The following MYO3A variants were observed in gnomAD, a reference collection of about 807,000 sequenced individuals.
MYO3A encodes the protein myosin IIIA.
A neutral mutation model predicts 192.7 loss-of-function variants in MYO3A; 180 were observed. That is an observed-to-expected ratio of 0.93 (90% confidence interval 0.83 to 1.06). The LOEUF (loss-of-function observed/expected upper bound fraction) is 1.06. MYO3A is among the 50% of genes least tolerant of loss of function. MYO3A has a pLI of 0.00. For missense variants in MYO3A, 1,896 were observed against 1,905.0 expected (o/e 1.00, Z 0.09); for synonymous variants, 628 against 645.3 (o/e 0.97, Z 0.41).
intron 3 of MYO3A, 37 bp from the exon 4 acceptor site, chr10:25,954,837 T>G (rs563699448): frequency 6.3e-7 from 1 of 1,595,576 alleles, no homozygotes; most frequent in African/African-American, 1.3e-5. Context: ...ACTCATGGTT[T>G]TCTCACAGTT....
At chr10:26,145,386 C>T (rs1051594872) in intron 21 of MYO3A, 60 bp from the exon 22 acceptor site, 136 of 1,150,018 alleles carry the variant, frequency 1.2e-4, no homozygotes, top group Non-Finnish European at 1.6e-4. Context: ...AAATAATTTT[C>T]GCAGTATTTT....
In MYO3A at chr10:26,174,014, T is replaced by A. The variant is rs1369324206; in HGVS notation, c.3750T>A (p.Cys1250Ter). ...AGAGGTACACAGAGGAGAGGAATTG[T>A]GAAGAGTCAAAAGCAGCATATCTAG... ...YYQRYTEERN[C>*]EESKAAYLER... Residue 1250 changes from cysteine (C) to a stop codon, truncating the protein, a stop_gained, in exon 30 of 35, where the codon TGT (cysteine) becomes TGA (stop). Transcript: ENST00000642920. LOFTEE classifies it high-confidence loss of function. The A allele has an allele frequency of 6.2e-7, 1 of 1,611,600 alleles. No individual in the cohort carries two copies. The highest frequency in any genetic ancestry group is 8.5e-7 in the Non-Finnish European group (1 of 1,179,468).
intron 26 of MYO3A, among the ~76,000 whole-genome samples, chr10:26,164,783 G>C (rs1228339962): frequency 6.6e-6 from 1 of 152,192 alleles, no homozygotes; most frequent in Admixed American, 6.5e-5. Context: ...ATGAGAGTAG[G>C]AAAGGTGCGG....
At chr10:25,992,702 G>A (rs1264852841) in intron 4 of MYO3A, among the ~76,000 whole-genome samples, 1 of 152,172 alleles carries the variant, frequency 6.6e-6, no homozygotes, top group Non-Finnish European at 1.5e-5. Flanking sequence ...AATTTATTGA[G>A]AGTTTTTAGC....
At chr10:25,972,281 A>G (rs775132019) in intron 4 of MYO3A, among the ~76,000 whole-genome samples, 3 of 151,496 alleles carry the variant, frequency 2.0e-5, no homozygotes, top group Non-Finnish European at 4.4e-5. Context: ...TTCTTTTTTT[A>G]TGAATGATGA....
intron 14 of MYO3A, among the ~76,000 whole-genome samples, chr10:26,078,649 C>G (rs1217525899): frequency 6.6e-6 from 1 of 152,000 alleles, no homozygotes; most frequent in Non-Finnish European, 1.5e-5. Context: ...GCATTTAGGG[C>G]TATGAACTTT....
rs570107967 is a variant in MYO3A, at chr10:26,173,851, A to T, written c.3587A>T (p.Tyr1196Phe). The T allele has an allele frequency of 2.5e-6, 4 of 1,614,052 alleles. No homozygotes were observed. In the South Asian group the frequency reaches 4.4e-5, roughly 18 times the overall value. ...ACTCCAAAAAAAATGAATAATGTGT[A>T]TGAGGAAGAGGTTAAGCAAGAATTC... ...YQTPKKMNNV[Y>F]EEEVKQEFYL... The change falls in exon 30 of 35, where the codon TAT becomes TTT. Residue 1196 changes from tyrosine to phenylalanine, a missense_variant. Transcript: ENST00000642920.
At chr10:26,129,172 T>C (rs775407776) in intron 20 of MYO3A, among the ~76,000 whole-genome samples, 1 of 152,252 alleles carries the variant, frequency 6.6e-6, no homozygotes, top group Non-Finnish European at 1.5e-5. Context: ...CTCCTTCAAG[T>C]AATATTATAT....
intron 14 of MYO3A, among the ~76,000 whole-genome samples, chr10:26,076,283 A>G (rs992596575): frequency 2.0e-5 from 3 of 151,918 alleles, no homozygotes; most frequent in African/African-American, 7.3e-5. Flanking sequence ...TTTGTTGGCC[A>G]TTTTTACATC....
chr10:26,026,112 C>CGACAGAAGTGGTATTTAGTTGA lies in MYO3A; in HGVS notation c.798-264_798-243dup, dbSNP rs138554078. 0.061 allele frequency among the ~76,000 whole-genome samples: 9,239 copies of CGACAGAAGTGGTATTTAGTTGA among 152,232 alleles called. 361 individuals carry two copies. The highest frequency in any genetic ancestry group is 0.088 in the Non-Finnish European group (5,992 of 68,008). ...CTATGCAATAATCCTTACTGGGAGACGACAGAAGTGGTATTTAGTTGAAAG... is the reference window on the plus strand; with the variant it reads ...CTATGCAATAATCCTTACTGGGAGACGACAGAAGTGGTATTTAGTTGAGACAGAAGTGGTATTTAGTTGAAAG... On this transcript the variant is annotated intron_variant, in intron 9 of 34. Coordinates refer to ENST00000642920, the MANE Select transcript of MYO3A (RefSeq NM_017433.5).
At chr10:26,016,218 T>C (rs952497936) in intron 6 of MYO3A, among the ~76,000 whole-genome samples, 1 of 152,352 alleles carries the variant, frequency 6.6e-6, no homozygotes, top group African/African-American at 2.4e-5. Flanking sequence ...ACTGTAGCTC[T>C]TCAGTCTGTA....
At chr10:26,131,470 C>T (rs1839530729) in intron 20 of MYO3A, among the ~76,000 whole-genome samples, 1 of 152,050 alleles carries the variant, frequency 6.6e-6, no homozygotes, top group Admixed American at 6.6e-5. Context: ...TTCCTAAATC[C>T]AGGAATCTCT....
chr10:25,956,335 GTT>G (rs542587893), intron 4 of MYO3A, among the ~76,000 whole-genome samples: 3 of 142,014 alleles, frequency 2.1e-5, no homozygotes, highest in Non-Finnish European at 1.6e-5. Context: ...TTCTATTATG[GTT>G]TTTTTTTTTT....
chr10:26,064,388 G>A (rs1292905494), intron 10 of MYO3A, among the ~76,000 whole-genome samples: 1 of 152,186 alleles, frequency 6.6e-6, no homozygotes, highest in Non-Finnish European at 1.5e-5. Context: ...TTGAGTAGGA[G>A]GGATATTAGA....
chr10:25,975,785 A>G (rs542532431), intron 4 of MYO3A, among the ~76,000 whole-genome samples: 58 of 152,336 alleles, frequency 3.8e-4, no homozygotes, highest in African/African-American at 1.1e-3. Flanking sequence ...GCATTTGTTA[A>G]AACATTAAAA....
At chr10:26,002,505 T>G (rs1010370299) in intron 6 of MYO3A, among the ~76,000 whole-genome samples, 2 of 152,090 alleles carry the variant, frequency 1.3e-5, no homozygotes, top group Non-Finnish European at 2.9e-5. Flanking sequence ...CTAATTCTGA[T>G]TGGCTAAATT....
intron 27 of MYO3A, among the ~76,000 whole-genome samples, chr10:26,167,006 C>T (rs1194813714): frequency 2.6e-5 from 4 of 152,064 alleles, no homozygotes; most frequent in African/African-American, 9.7e-5. Flanking sequence ...CATAGCATTA[C>T]GAGACAGGGA....
intron 6 of MYO3A, among the ~76,000 whole-genome samples, chr10:26,006,556 C>T (rs1023690044): frequency 1.6e-4 from 25 of 152,104 alleles, no homozygotes; most frequent in African/African-American, 4.1e-4. Context: ...GATATCACCA[C>T]CAATCCCACA....
Position 26,170,422 on chromosome 10 carries a change from GAGGACACCTTGTC to G in MYO3A, c.3286_3298del (p.His1096AsnfsTer9). ...TGGGCTTTCTGTGTTTCAGCTGCAA[GAGGACACCTTGTC>G]AGGAAACAAAGAAAAGAAATTGTTG... is the stretch of plus-strand genomic sequence containing the variant. On this transcript the variant is annotated frameshift_variant, in exon 29 of 35. Coordinates refer to ENST00000642920, the MANE Select transcript of MYO3A (RefSeq NM_017433.5). LOFTEE classifies it high-confidence loss of function. 1 of 1,613,368 alleles carries G rather than the reference GAGGACACCTTGTC, an allele frequency of 6.2e-7. No individual in the cohort carries two copies. Among genetic ancestry groups the G allele is most frequent in the Non-Finnish European group, 8.5e-7 (1 of 1,179,584 alleles).
Sources: allele counts gnomAD v4.1 joint callset (sites outside exome capture counted in the v4.1 genomes callset), GRCh38; gene constraint gnomAD v4.1.1; transcripts MANE v1.5; gene names NCBI Gene and HGNC (gene_info 2026-07-23, HGNC 2026-07-21).